Variants in DCAF6 observed in about 807,000 individuals in gnomAD.
DCAF6 encodes DDB1- and CUL4-associated factor 6.
A neutral mutation model predicts 125.1 loss-of-function variants in DCAF6; 54 were observed. That is an observed-to-expected ratio of 0.43 (90% CI 0.35 to 0.54). DCAF6 has a LOEUF of 0.54. Among genes scored for constraint, DCAF6 ranks in the 20% least tolerant of loss-of-function variants. DCAF6 has a pLI of 0.01. For synonymous variants in DCAF6, 371 were observed against 390.4 expected (o/e 0.95, Z 0.58); for missense variants, 934 against 1,161.7 (o/e 0.80, Z 2.85).
At chr1:167,889,437 A>G in the DCAF6 span, among the ~76,000 whole-genome samples, 1 of 152,076 alleles carries the variant, frequency 6.6e-6, no homozygotes, top group East Asian at 1.9e-4. Context: ...CTTGATCATG[A>G]TGGATGATCT....
chr1:168,055,766 C>G (rs1320432317), intron 17 of DCAF6: 1 of 613,970 alleles, frequency 1.6e-6, no homozygotes, highest in Admixed American at 3.3e-5. Context: ...CTTTCATTAG[C>G]AGTGTTAACA....
chr1:167,961,539 C>T (rs991043552), intron 2 of DCAF6, among the ~76,000 whole-genome samples: 1 of 151,952 alleles, frequency 6.6e-6, no homozygotes, highest in African/African-American at 2.4e-5. Flanking sequence ...CTGTGCCTGG[C>T]CTCCAGGAGG....
chr1:167,949,146 T>C (rs1673538357), intron 1 of DCAF6, among the ~76,000 whole-genome samples: 1 of 152,206 alleles, frequency 6.6e-6, no homozygotes. Context: ...TATAAAAGAA[T>C]GCCAGAGTAG....
At chr1:167,934,831 G>A (rs1671028259), upstream of DCAF6, among the ~76,000 whole-genome samples, 1 of 152,120 alleles carries the variant, frequency 6.6e-6, no homozygotes, top group Admixed American at 6.5e-5. Flanking sequence ...TATATCTGAT[G>A]TTAGCCCCTA....
chr1:167,938,228 AC>A (rs762250476), intron 1 of DCAF6, among the ~76,000 whole-genome samples: 9 of 151,780 alleles, frequency 5.9e-5, no homozygotes, highest in Non-Finnish European at 1.2e-4. Flanking sequence ...TTGCATTCTT[AC>A]AAGTACATAT....
At chr1:168,005,183 TA>T (rs1413435935) in intron 10 of DCAF6, among the ~76,000 whole-genome samples, 1 of 152,128 alleles carries the variant, frequency 6.6e-6, no homozygotes, top group African/African-American at 2.4e-5. Flanking sequence ...TCACTTTGCT[TA>T]TATTCTTGAT....
the DCAF6 span, among the ~76,000 whole-genome samples, chr1:167,887,976 G>A: frequency 6.6e-6 from 1 of 152,242 alleles, no homozygotes; most frequent in Non-Finnish European, 1.5e-5. Flanking sequence ...AGAGATAGGA[G>A]TCTAGTTTCA....
chr1:167,968,649 T>C lies in DCAF6; in HGVS notation c.252+1928T>C, dbSNP rs1253151369. 3 of 152,330 alleles carry C rather than the reference T, an allele frequency of 2.0e-5. No individual in the cohort carries two copies. The East Asian group carries it at 5.8e-4, about 29-fold the overall frequency. 9.4% of individuals were successfully genotyped at this position (152,330 alleles called of 1,614,324 possible). ...GTGAAACTGCAGGACTCTGGTGCTATGGTGTTGGGGAAACTGCCCGTGCTG... is the reference window on the plus strand; with the variant it reads ...GTGAAACTGCAGGACTCTGGTGCTACGGTGTTGGGGAAACTGCCCGTGCTG... On this transcript the variant is annotated intron_variant, in intron 3 of 21. Coordinates refer to ENST00000367840, the MANE Select transcript of DCAF6 (RefSeq NM_001198956.2).
chr1:167,956,396 CTGTAGTGTA>C (rs1381397778), intron 2 of DCAF6, among the ~76,000 whole-genome samples: 1 of 152,030 alleles, frequency 6.6e-6, no homozygotes, highest in Admixed American at 6.5e-5. Context: ...TCTGTAGAAT[CTGTAGTGTA>C]TGTTACTGTG....
At chr1:168,033,025 A>G (rs529963758) in intron 12 of DCAF6, among the ~76,000 whole-genome samples, 2 of 151,804 alleles carry the variant, frequency 1.3e-5, no homozygotes, top group Non-Finnish European at 2.9e-5. Context: ...TTTTTTTACT[A>G]TGGTTATCAC....
At chr1:167,971,009 A>G (rs994788481) in intron 3 of DCAF6, among the ~76,000 whole-genome samples, 1 of 152,160 alleles carries the variant, frequency 6.6e-6, no homozygotes, top group African/African-American at 2.4e-5. Flanking sequence ...ATAAATTCCA[A>G]ATATATACTG....
chr1:168,021,685 G>A (rs1411204343), intron 11 of DCAF6, among the ~76,000 whole-genome samples: 6 of 152,080 alleles, frequency 3.9e-5, no homozygotes, highest in Non-Finnish European at 8.8e-5. Flanking sequence ...AAAAATACAT[G>A]AACAAACTGG....
intron 17 of DCAF6, among the ~76,000 whole-genome samples, chr1:168,060,437 C>T (rs1440368020): frequency 6.6e-6 from 1 of 152,196 alleles, no homozygotes; most frequent in Admixed American, 6.5e-5. Flanking sequence ...CCTCCTGCCT[C>T]AGACTCCCAA....
At chr1:167,934,490 T>A (rs533921124), upstream of DCAF6, among the ~76,000 whole-genome samples, 1 of 152,342 alleles carries the variant, frequency 6.6e-6, no homozygotes, top group South Asian at 2.1e-4. Context: ...AAAAACTTTT[T>A]AAATCAGTAA....
At chr1:167,924,639 C>T in the DCAF6 span, 1 of 842,284 alleles carries the variant, frequency 1.2e-6, no homozygotes, top group Non-Finnish European at 1.8e-6. Flanking sequence ...GATTTATCAA[C>T]CTATTTTTAA....
chr1:167,951,497 C>A (rs1673931525), intron 1 of DCAF6, among the ~76,000 whole-genome samples: 1 of 152,154 alleles, frequency 6.6e-6, no homozygotes, highest in Non-Finnish European at 1.5e-5. Flanking sequence ...ATTGCTTGAA[C>A]TTGGGAGGCA....
intron 16 of DCAF6, among the ~76,000 whole-genome samples, chr1:168,049,646 A>ATT (rs756012977): frequency 0.021 from 1,857 of 90,318 alleles, 327 homozygotes; most frequent in African/African-American, 0.056. Flanking sequence ...TCTGCATATA[A>ATT]TTTTTTTTTT....
chr1:167,935,677 A>G (rs750724509), upstream of DCAF6: 416 of 1,453,546 alleles, frequency 2.9e-4, no homozygotes, highest in Non-Finnish European at 3.7e-4. Flanking sequence ...TAAAAGGTCC[A>G]TTTTAGAGGA....
At chr1:167,981,166 A>G (rs1268913730) in intron 4 of DCAF6, among the ~76,000 whole-genome samples, 1 of 151,958 alleles carries the variant, frequency 6.6e-6, no homozygotes, top group African/African-American at 2.4e-5. Context: ...CTCCGCCTCC[A>G]AAGTGCTGGG....
Sources: gnomAD v4.1 joint callset for allele counts (sites outside exome capture counted in the v4.1 genomes callset) on GRCh38, gnomAD v4.1.1 for gene constraint, MANE v1.5 for transcripts, NCBI Gene and HGNC (gene_info 2026-07-23, HGNC 2026-07-21) for gene names.